Variants in MAGI1 observed in about 807,000 individuals in gnomAD.
The protein encoded by MAGI1 is membrane-associated guanylate kinase, WW and PDZ domain-containing protein 1.
A neutral mutation model predicts 139.9 loss-of-function variants in MAGI1; 58 were observed. That is an observed-to-expected ratio of 0.41 (90% CI 0.34 to 0.52). The LOEUF (loss-of-function observed/expected upper bound fraction) is 0.52, where lower values mean the gene tolerates loss of function less well. Among genes scored for constraint, MAGI1 ranks in the 20% least tolerant of loss-of-function variants. MAGI1 has a pLI of 0.12. For synonymous variants in MAGI1, 812 were observed against 737.9 expected (o/e 1.10, Z -1.63); for missense variants, 1,874 against 1,901.6 (o/e 0.99, Z 0.27).
chr3:65,922,310 C>G (rs2108742821), intron 1 of MAGI1, among the ~76,000 whole-genome samples: 1 of 152,258 alleles, frequency 6.6e-6, no homozygotes, highest in African/African-American at 2.4e-5. Flanking sequence ...CCACATGTGA[C>G]CCTATTTAGA....
At chr3:65,772,551 T>C (rs1033130974) in intron 1 of MAGI1, among the ~76,000 whole-genome samples, 2 of 152,178 alleles carry the variant, frequency 1.3e-5, no homozygotes, top group African/African-American at 4.8e-5. Context: ...CCTCTTTCCC[T>C]GGGATCAGCA....
chr3:65,842,172 C>T (rs2058829656), intron 1 of MAGI1, among the ~76,000 whole-genome samples: 1 of 152,048 alleles, frequency 6.6e-6, no homozygotes, highest in Non-Finnish European at 1.5e-5. Flanking sequence ...TCCTAGAGAG[C>T]AAGAAGAAAC....
chr3:65,810,647 G>A (rs2041167163), intron 1 of MAGI1, among the ~76,000 whole-genome samples: 1 of 152,172 alleles, frequency 6.6e-6, no homozygotes, highest in Non-Finnish European at 1.5e-5. Flanking sequence ...GGAGTCTATC[G>A]CCGGGGAAGA....
At chr3:65,461,154 C>T (rs1278258110) in intron 5 of MAGI1, among the ~76,000 whole-genome samples, 3 of 152,112 alleles carry the variant, frequency 2.0e-5, no homozygotes, top group African/African-American at 7.2e-5. Context: ...AACTAATTTA[C>T]ACTCCCACCA....
chr3:65,893,779 C>T (rs2060859504), intron 1 of MAGI1: 2 of 152,224 alleles, frequency 1.3e-5, no homozygotes, highest in Non-Finnish European at 2.9e-5. Flanking sequence ...ATTTTATTAT[C>T]TTTCACAATT....
At chr3:65,870,933 A>T (rs1008394388) in intron 1 of MAGI1, among the ~76,000 whole-genome samples, 1 of 151,036 alleles carries the variant, frequency 6.6e-6, no homozygotes, top group Non-Finnish European at 1.5e-5. Context: ...TACACATATA[A>T]ATATAAGTAC....
intron 2 of MAGI1, among the ~76,000 whole-genome samples, chr3:65,593,826 AAG>A (rs1371970020): frequency 2.6e-5 from 4 of 152,234 alleles, no homozygotes; most frequent in African/African-American, 9.6e-5. Flanking sequence ...GGGATATTGA[AAG>A]AGAAATAATT....
chr3:65,833,121 A>C (rs1366054768), intron 1 of MAGI1, among the ~76,000 whole-genome samples: 1 of 93,870 alleles, frequency 1.1e-5, no homozygotes, highest in African/African-American at 3.7e-5. Context: ...GGTCTACTGA[A>C]CTTTTTTTTT....
At chr3:65,990,953 C>T (rs771813152) in intron 1 of MAGI1, among the ~76,000 whole-genome samples, 2 of 152,008 alleles carry the variant, frequency 1.3e-5, no homozygotes, top group Non-Finnish European at 2.9e-5. Context: ...TATCACTGCA[C>T]TCCAGCCTGG....
intron 1 of MAGI1, among the ~76,000 whole-genome samples, chr3:65,787,087 C>T (rs1443133282): frequency 6.6e-6 from 1 of 152,108 alleles, no homozygotes; most frequent in South Asian, 2.1e-4. Context: ...TGACATCAGA[C>T]TAATTTATGG....
chr3:65,495,419 T>C (rs1172755619), intron 2 of MAGI1, among the ~76,000 whole-genome samples: 2 of 152,200 alleles, frequency 1.3e-5, no homozygotes, highest in Non-Finnish European at 2.9e-5. Flanking sequence ...TAATAATCTG[T>C]TATTATATAC....
intron 1 of MAGI1, among the ~76,000 whole-genome samples, chr3:65,876,125 CAA>C (rs201926706): frequency 8.8e-5 from 10 of 113,090 alleles, no homozygotes; most frequent in Admixed American, 8.9e-5. Flanking sequence ...GAAAATTAAG[CAA>C]AAAAAAAAAA....
intron 1 of MAGI1, among the ~76,000 whole-genome samples, chr3:65,835,574 C>A (rs2042759311): frequency 6.6e-6 from 1 of 152,126 alleles, no homozygotes; most frequent in South Asian, 2.1e-4. Flanking sequence ...ATGATAAAGG[C>A]CATTCGTGAT....
chr3:65,702,707 T>A (rs9311951), intron 1 of MAGI1, among the ~76,000 whole-genome samples: 3 of 151,874 alleles, frequency 2.0e-5, no homozygotes, highest in South Asian at 2.1e-4. Flanking sequence ...TTAGGCCACC[T>A]GTATGTACTA....
At chr3:65,362,904 T>C (rs11131013) in intron 21 of MAGI1, among the ~76,000 whole-genome samples, 5,513 of 152,294 alleles carry the variant, frequency 0.036, 242 homozygotes, top group African/African-American at 0.1. Context: ...GAGTGGACTT[T>C]TGGCATTTAT....
At chr3:65,970,423 G>A (rs945049153) in intron 1 of MAGI1, among the ~76,000 whole-genome samples, 8 of 151,732 alleles carry the variant, frequency 5.3e-5, no homozygotes, top group African/African-American at 9.7e-5. Flanking sequence ...TGGTGGTGAC[G>A]ACTGCACAAC....
intron 2 of MAGI1, among the ~76,000 whole-genome samples, chr3:65,590,145 C>T (rs531731453): frequency 6.6e-6 from 1 of 152,282 alleles, no homozygotes; most frequent in African/African-American, 2.4e-5. Context: ...TCTTCCCTGA[C>T]CTGAATTCTA....
At chr3:65,506,971 G>C (rs2077314517) in intron 2 of MAGI1, among the ~76,000 whole-genome samples, 1 of 152,148 alleles carries the variant, frequency 6.6e-6, no homozygotes. Flanking sequence ...CAAGTATACA[G>C]CGAAATAGTC....
At chr3:65,566,581 C>G (rs1392608152) in intron 2 of MAGI1, among the ~76,000 whole-genome samples, 4 of 152,100 alleles carry the variant, frequency 2.6e-5, no homozygotes, top group Non-Finnish European at 4.4e-5. Flanking sequence ...GGCATACATA[C>G]TCAGAAGTCA....
Sources: allele counts gnomAD v4.1 joint callset (sites outside exome capture counted in the v4.1 genomes callset), GRCh38; gene constraint gnomAD v4.1.1; transcripts MANE v1.5; gene names NCBI Gene and HGNC (gene_info 2026-07-23, HGNC 2026-07-21).